Variants in PRUNE2 observed in about 807,000 individuals in gnomAD.
PRUNE2 encodes the protein protein prune homolog 2.
In PRUNE2, 164 loss-of-function variants were observed where a neutral mutation model predicts 252.0. The observed-to-expected ratio is 0.65, with a 90% CI of 0.57 to 0.74. PRUNE2 has a LOEUF of 0.74. Ranked by LOEUF, PRUNE2 falls within the 30% of genes least tolerant of loss-of-function variation. The pLI is 0.00. For missense variants in PRUNE2, 3,495 were observed against 3,711.0 expected, an observed-to-expected ratio of 0.94 and a Z score of 1.51; for synonymous variants, 1,292 against 1,350.2, an observed-to-expected ratio of 0.96 and a Z score of 0.94.
chr9:76,715,636 G>A (rs1460096550), intron 6 of PRUNE2, among the ~76,000 whole-genome samples: 1 of 152,192 alleles, frequency 6.6e-6, no homozygotes, highest in Non-Finnish European at 1.5e-5. Flanking sequence ...AGTGTGTACT[G>A]TCAGCTTTCA....
rs2053716463 is a variant in PRUNE2, at chr9:76,776,216, C to G, written c.756+47416G>C. On this transcript the variant is annotated intron_variant, in intron 6 of 18. Coordinates refer to ENST00000376718, the MANE Select transcript of PRUNE2 (RefSeq NM_015225.3). Reference sequence around the variant, plus strand: ...ATATTGAGTAGTGGTGAAGTCTGAGCTTTTAGTGTAGCCATCACCTGAATA... The same window carrying G: ...ATATTGAGTAGTGGTGAAGTCTGAGGTTTTAGTGTAGCCATCACCTGAATA... Among the ~76,000 whole-genome samples, 3 of 152,226 alleles carry G rather than the reference C, an allele frequency of 2.0e-5. No individual in the cohort carries two copies. In the South Asian group the frequency reaches 6.2e-4, roughly 32 times the overall value.
intron 1 of PRUNE2, among the ~76,000 whole-genome samples, chr9:76,886,713 C>T (rs895756003): frequency 2.4e-4 from 37 of 152,184 alleles, no homozygotes; most frequent in African/African-American, 7.7e-4. Context: ...CGGGTGAACA[C>T]ACAACCTAAA....
At chr9:76,740,444 G>A (rs373196572) in intron 6 of PRUNE2, 34 of 85,338 alleles carry the variant, frequency 4.0e-4, no homozygotes, top group African/African-American at 1.8e-3. Flanking sequence ...GCAAAACTCC[G>A]TTTCAAAAAA....
intron 4 of PRUNE2, among the ~76,000 whole-genome samples, chr9:76,843,007 T>C (rs144015605): frequency 0.089 from 13,485 of 152,124 alleles, 756 homozygotes; most frequent in African/African-American, 0.16. Flanking sequence ...AATCATTCTA[T>C]CATAAAGACA....
At chr9:76,857,977 T>A (rs1161659661) in intron 1 of PRUNE2, among the ~76,000 whole-genome samples, 2 of 152,172 alleles carry the variant, frequency 1.3e-5, no homozygotes, top group African/African-American at 2.4e-5. Context: ...CTATCTCACA[T>A]ATCCACATAT....
chr9:76,861,589 G>A (rs543908517), intron 1 of PRUNE2, among the ~76,000 whole-genome samples: 1 of 152,222 alleles, frequency 6.6e-6, no homozygotes, highest in African/African-American at 2.4e-5. Flanking sequence ...GAAGCCTGGA[G>A]CACTGGACAT....
In PRUNE2 at chr9:76,705,160, A is replaced by G; in HGVS notation, c.7114T>C (p.Phe2372Leu). ...DEDLLREPEH[F>L]LYGGDPPLEE... is the part of the protein sequence containing the mutation. ...AAAGGAGGGTCACCACCATACAGGA[A>G]GTGTTCAGGCTCTCTCAGTAAATCT... The change falls in exon 8 of 19, where the codon TTC becomes CTC. Residue 2372 changes from phenylalanine (F) to leucine (L), a missense_variant. Physicochemically the swap from Phe to Leu is conservative, Grantham distance 22 (BLOSUM62 0). Coordinates refer to ENST00000376718, the MANE Select transcript of PRUNE2 (RefSeq NM_015225.3). 6.2e-7 allele frequency: 1 copy of G among 1,614,026 alleles called. No homozygotes were observed. Among genetic ancestry groups the G allele is most frequent in the Non-Finnish European group, 8.5e-7 (1 of 1,179,890 alleles).
At chr9:76,680,598 T>G (rs2043316561) in intron 9 of PRUNE2, among the ~76,000 whole-genome samples, 1 of 152,214 alleles carries the variant, frequency 6.6e-6, no homozygotes, top group Non-Finnish European at 1.5e-5. Context: ...ACAACCACAT[T>G]CATAGCAGTT....
chr9:76,616,180 C>T (rs947580089), intron 18 of PRUNE2, among the ~76,000 whole-genome samples: 1 of 152,170 alleles, frequency 6.6e-6, no homozygotes, highest in African/African-American at 2.4e-5. Flanking sequence ...AGTTTTCAGG[C>T]CCTCTGACTT....
At chr9:76,652,750 A>G (rs1847922594) in intron 10 of PRUNE2, 67 bp from the exon 11 acceptor site, 6 of 1,163,690 alleles carry the variant, frequency 5.2e-6, no homozygotes, top group Non-Finnish European at 7.6e-6. Flanking sequence ...CAAAAATTTC[A>G]AAATCCCAAA....
intron 1 of PRUNE2, among the ~76,000 whole-genome samples, chr9:76,854,623 C>A (rs777763487): frequency 2.0e-5 from 3 of 152,042 alleles, no homozygotes; most frequent in Non-Finnish European, 2.9e-5. Context: ...CATAAGCAAA[C>A]AGACACAGAG....
intron 6 of PRUNE2, among the ~76,000 whole-genome samples, chr9:76,815,330 G>A (rs950114007): frequency 1.3e-5 from 2 of 152,194 alleles, no homozygotes; most frequent in African/African-American, 4.8e-5. Context: ...ACCTTAGACT[G>A]GGTAATGTAT....
chr9:76,717,476 A>AT (rs914696144), intron 6 of PRUNE2, among the ~76,000 whole-genome samples: 34 of 152,112 alleles, frequency 2.2e-4, no homozygotes, highest in African/African-American at 8.2e-4. Context: ...ACAGGTTGGC[A>AT]TTTTATTCCC....
intron 11 of PRUNE2, among the ~76,000 whole-genome samples, chr9:76,651,765 C>CCCTAAACCAT (rs1752082828): frequency 1.3e-5 from 2 of 152,176 alleles, no homozygotes; most frequent in Non-Finnish European, 2.9e-5. Context: ...CTCTCACTCC[C>CCCTAAACCAT]CCTAAACCAT....
intron 1 of PRUNE2, among the ~76,000 whole-genome samples, chr9:76,900,672 G>A (rs780470721): frequency 6.6e-6 from 1 of 152,110 alleles, no homozygotes; most frequent in Non-Finnish European, 1.5e-5. Flanking sequence ...AATCCCCAAG[G>A]TTCAAGAAAA....
intron 6 of PRUNE2, among the ~76,000 whole-genome samples, chr9:76,729,796 G>A (rs2048409385): frequency 6.6e-6 from 1 of 151,696 alleles, no homozygotes; most frequent in Non-Finnish European, 1.5e-5. Flanking sequence ...GGGTTTATAG[G>A]AGCTTTCCAA....
In PRUNE2 at chr9:76,626,919, A is replaced by G. The variant is rs147056693; in HGVS notation, c.9149+2273T>C. ...TGAAGTCTCAGAGACATTGAGAGGTAGGAGAGAAGGTTCAAATCTAAGTCT... is the reference window on the plus strand; with the variant it reads ...TGAAGTCTCAGAGACATTGAGAGGTGGGAGAGAAGGTTCAAATCTAAGTCT... On this transcript the variant is annotated intron_variant, in intron 16 of 18. Transcript: ENST00000376718. Among the ~76,000 whole-genome samples the G allele has an allele frequency of 1.6e-4, 25 of 152,274 alleles. 1 individual carries two copies. In the East Asian group the frequency reaches 4.8e-3, roughly 29 times the overall value.
chr9:76,797,773 T>C (rs1221064498), intron 6 of PRUNE2, among the ~76,000 whole-genome samples: 5 of 150,162 alleles, frequency 3.3e-5, no homozygotes, highest in African/African-American at 7.4e-5. Flanking sequence ...TCTGGAATGG[T>C]AGAGAGGGGA....
intron 6 of PRUNE2, among the ~76,000 whole-genome samples, chr9:76,715,284 T>A (rs1275257678): frequency 1.3e-5 from 2 of 152,218 alleles, no homozygotes; most frequent in Non-Finnish European, 2.9e-5. Context: ...CAAAAAGCCA[T>A]CATACCCGTA....
Sources: gnomAD v4.1 joint callset for allele counts (sites outside exome capture counted in the v4.1 genomes callset) on GRCh38, gnomAD v4.1.1 for gene constraint, MANE v1.5 for transcripts, NCBI Gene and HGNC (gene_info 2026-07-23, HGNC 2026-07-21) for gene names.